The following TNKS variants were observed in gnomAD, a reference collection of about 807,000 sequenced individuals.
TNKS encodes poly [ADP-ribose] polymerase tankyrase-1.
Under a neutral mutation model 135.8 loss-of-function variants are expected in TNKS, and 72 were observed. That is an observed-to-expected ratio of 0.53 (90% CI 0.44 to 0.64). The LOEUF (loss-of-function observed/expected upper bound fraction) is 0.64. Among genes scored for constraint, TNKS ranks in the 30% least tolerant of loss-of-function variants. TNKS has a pLI of 0.00. For synonymous variants in TNKS, 849 were observed against 649.3 expected (o/e 1.31, Z -4.68); for missense variants, 1,769 against 1,674.0 (o/e 1.06, Z -0.99).
At position 9,779,493 on chromosome 8, in the gene TNKS, G is replaced by C. The variant is rs1392982654; in HGVS notation, c.*2757G>C. 2 of 152,150 alleles carry C rather than the reference G, an allele frequency of 1.3e-5. No individual in the cohort carries two copies. Among genetic ancestry groups the C allele is most frequent in the African/African-American group, 4.8e-5 (2 of 41,416 alleles). The allele number at this position is 152,150 out of a possible 1,614,324, so 9.4% of individuals were successfully genotyped here. A position where few individuals can be genotyped will look rare whatever the true frequency, so the allele number is the denominator to read the frequency against. On this transcript the variant is annotated 3_prime_UTR_variant, in exon 27 of 27. Coordinates refer to ENST00000310430, the MANE Select transcript of TNKS (RefSeq NM_003747.3). ...AAAACTAAAGGGCTTCTCCAGACCT[G>C]ATGGTTCCAGTTTACCTGCTGTTGG... is the stretch of plus-strand genomic sequence containing the variant.
chr8:9,699,300 C>T lies in TNKS; in HGVS notation c.1108-5363C>T, dbSNP rs186591313. 5.6e-3 allele frequency among the ~76,000 whole-genome samples: 854 copies of T among 152,298 alleles called. 7 individuals are homozygous for T. The highest frequency in any genetic ancestry group is 0.019 in the African/African-American group (801 of 41,564). On this transcript the variant is annotated intron_variant, in intron 5 of 26. Transcript: ENST00000310430. ...TGGCAGTTGAGATATAAATTTGGCACTATGTGGTAACCATTCACTAGGTTT... is the reference window on the plus strand; with the variant it reads ...TGGCAGTTGAGATATAAATTTGGCATTATGTGGTAACCATTCACTAGGTTT...
At chr8:9,584,234 A>G (rs1482373409) in intron 2 of TNKS, among the ~76,000 whole-genome samples, 3 of 150,918 alleles carry the variant, frequency 2.0e-5, no homozygotes, top group Non-Finnish European at 4.4e-5. Flanking sequence ...ATTTTGACTA[A>G]TTAGTATCCA....
intron 3 of TNKS, among the ~76,000 whole-genome samples, chr8:9,660,436 C>T (rs538234263): frequency 2.7e-4 from 41 of 152,170 alleles, no homozygotes; most frequent in African/African-American, 8.2e-4. Context: ...GTTCAACATA[C>T]GAAAATCAAT....
At chr8:9,658,645 G>A (rs1057398090) in intron 3 of TNKS, among the ~76,000 whole-genome samples, 1 of 152,168 alleles carries the variant, frequency 6.6e-6, no homozygotes, top group East Asian at 1.9e-4. Flanking sequence ...AAATTGTAAA[G>A]ACCTTCAAGA....
rs532919337 is a variant in TNKS at position 9,628,431 on chromosome 8, C to T, written c.994+12754C>T. Reference sequence around the variant, plus strand: ...ATCCGTTGGCCACTTTCTCGTGGAGCCTCTCAGCAGCATTCAACAAAATTT... The same window carrying T: ...ATCCGTTGGCCACTTTCTCGTGGAGTCTCTCAGCAGCATTCAACAAAATTT... On this transcript the variant is annotated intron_variant, in intron 3 of 26. Coordinates refer to ENST00000310430, the MANE Select transcript of TNKS (RefSeq NM_003747.3). 2.0e-5 allele frequency among the ~76,000 whole-genome samples: 3 copies of T among 152,122 alleles called. No homozygotes were observed. In the East Asian group the frequency reaches 5.8e-4, roughly 29 times the overall value.
intron 2 of TNKS, among the ~76,000 whole-genome samples, chr8:9,584,024 C>T (rs1051066728): frequency 1.3e-5 from 2 of 151,130 alleles, no homozygotes; most frequent in Non-Finnish European, 2.9e-5. Context: ...ATTAGCCGGG[C>T]GTGGTGGTGG....
intron 25 of TNKS, among the ~76,000 whole-genome samples, chr8:9,766,959 G>A (rs989902624): frequency 2.0e-5 from 3 of 152,250 alleles, no homozygotes; most frequent in Middle Eastern, 3.4e-3. Context: ...CTCCAGTCAC[G>A]GGTTATGATA....
At chr8:9,577,617 C>T (rs1466014588) in intron 1 of TNKS, among the ~76,000 whole-genome samples, 1 of 152,116 alleles carries the variant, frequency 6.6e-6, no homozygotes, top group Non-Finnish European at 1.5e-5. Flanking sequence ...ACGAGAACAG[C>T]AAGAGGGAAA....
intron 3 of TNKS, among the ~76,000 whole-genome samples, chr8:9,638,553 T>G (rs1388310947): frequency 6.6e-6 from 1 of 152,258 alleles, no homozygotes; most frequent in Non-Finnish European, 1.5e-5. Flanking sequence ...AATGACAGTT[T>G]ATATACTTTG....
intron 20 of TNKS, among the ~76,000 whole-genome samples, chr8:9,756,177 A>C (rs1305769472): frequency 2.0e-5 from 3 of 152,300 alleles, no homozygotes; most frequent in African/African-American, 7.2e-5. Context: ...TGACCAGATA[A>C]ATTTTGATTT....
chr8:9,688,780 C>G (rs924965701), intron 5 of TNKS, among the ~76,000 whole-genome samples: 1 of 152,162 alleles, frequency 6.6e-6, no homozygotes, highest in Non-Finnish European at 1.5e-5. Flanking sequence ...GCTGAGATTA[C>G]AGGTGCCCGC....
At chr8:9,716,212 G>C (rs562354057) in intron 11 of TNKS, among the ~76,000 whole-genome samples, 260 of 152,246 alleles carry the variant, frequency 1.7e-3, no homozygotes, top group African/African-American at 6.2e-3. Context: ...ATTTAGAAGC[G>C]ATCACGAGTC....
rs926414852 is a variant in TNKS, at chr8:9,609,608, A to G, written c.899-5974A>G. Reference sequence around the variant, plus strand: ...CAGCTTCCATACACGTTTACCCTCTAGATTTCCTTTGCTCTTCAGTTTTCA... The same window carrying G: ...CAGCTTCCATACACGTTTACCCTCTGGATTTCCTTTGCTCTTCAGTTTTCA... On this transcript the variant is annotated intron_variant, in intron 2 of 26. Transcript: ENST00000310430. 4.6e-5 allele frequency among the ~76,000 whole-genome samples: 7 copies of G among 152,284 alleles called. No individual in the cohort carries two copies. The East Asian group carries it at 5.8e-4, about 13-fold the overall frequency.
At chr8:9,582,894 C>T (rs1020609275) in intron 2 of TNKS, among the ~76,000 whole-genome samples, 9 of 152,046 alleles carry the variant, frequency 5.9e-5, no homozygotes, top group African/African-American at 9.7e-5. Flanking sequence ...GGGGCAGGCG[C>T]GGTGGCTCAC....
At position 9,657,658 on chromosome 8, in the gene TNKS, C is replaced by A. The variant is rs1303205493; in HGVS notation, c.995-22293C>A. ...GGCTGGCCGGGTGGGGGGGCTGACC[C>A]CCCCATCTCCCTCCCGGACGGGGTG... On this transcript the variant is annotated intron_variant, in intron 3 of 26. Coordinates refer to ENST00000310430, the MANE Select transcript of TNKS (RefSeq NM_003747.3). 1.0e-4 allele frequency among the ~76,000 whole-genome samples: 9 copies of A among 86,952 alleles called. No homozygotes were observed. The South Asian group carries it at 5.4e-3, about 53-fold the overall frequency. 57.0% of individuals were successfully genotyped at this position (86,952 alleles called of 152,430 possible).
chr8:9,657,771 G>C (rs1801475308), intron 3 of TNKS, among the ~76,000 whole-genome samples: 1 of 145,264 alleles, frequency 6.9e-6, no homozygotes, highest in Non-Finnish European at 1.5e-5. Flanking sequence ...GGCTGGCCGG[G>C]CAGGGGGCTG....
chr8:9,578,624 A>G (rs1470170976), intron 1 of TNKS, among the ~76,000 whole-genome samples: 3 of 152,228 alleles, frequency 2.0e-5, no homozygotes, highest in Non-Finnish European at 4.4e-5. Context: ...TGGAAGACAT[A>G]TCTTGAGATA....
chr8:9,765,843 A>C (rs776526755), intron 24 of TNKS, 46 bp downstream of exon 24: 1 of 1,513,084 alleles, frequency 6.6e-7, no homozygotes, highest in East Asian at 2.3e-5. Flanking sequence ...GGGCCTTTGC[A>C]GGAGTCAGTA....
At chr8:9,616,328 G>A (rs1799644081) in intron 3 of TNKS, among the ~76,000 whole-genome samples, 1 of 152,132 alleles carries the variant, frequency 6.6e-6, no homozygotes, top group Admixed American at 6.5e-5. Context: ...AGTGCTCTAA[G>A]TGTTTTCATT....
Sources: allele counts gnomAD v4.1 joint callset (sites outside exome capture counted in the v4.1 genomes callset), GRCh38; gene constraint gnomAD v4.1.1; transcripts MANE v1.5; gene names NCBI Gene and HGNC (gene_info 2026-07-23, HGNC 2026-07-21).